STEEP1: variants seen among roughly 807,000 people sequenced by gnomAD.
STEEP1 encodes STING ER exit protein.
Under a neutral mutation model 19.2 loss-of-function variants are expected in STEEP1, and 3 were observed. That is an observed-to-expected ratio of 0.16 (90% CI 0.07 to 0.40). The LOEUF is 0.40. Ranked by LOEUF, STEEP1 falls within the 10% of genes least tolerant of loss-of-function variation. The pLI, the probability that STEEP1 is intolerant of heterozygous loss-of-function variation, is 0.99. For missense variants in STEEP1, 54 were observed against 177.1 expected (o/e 0.30, Z 3.94); for synonymous variants, 46 against 63.7 (o/e 0.72, Z 1.32).
At chrX:119,548,625 A>C (rs1432197836) in intron 2 of STEEP1, among the ~76,000 whole-genome samples, 1 of 110,722 alleles carries the variant, frequency 9.0e-6, no homozygotes, top group Non-Finnish European at 1.9e-5. Flanking sequence ...TGAAAATGTA[A>C]ATTAGTACAG....
chrX:119,552,067 G>C (rs1569399969), intron 2 of STEEP1, among the ~76,000 whole-genome samples: 2 of 110,117 alleles, frequency 1.8e-5, no homozygotes, highest in Non-Finnish European at 3.8e-5. Context: ...CTAATTTTTT[G>C]TATTTTTAGT....
intron 2 of STEEP1, 95 bp downstream of exon 2, chrX:119,560,173 C>G (rs1270849245): frequency 4.9e-5 from 29 of 596,008 alleles, no homozygotes; most frequent in Non-Finnish European, 7.6e-5. Context: ...TTGGGACCAA[C>G]TGACCTGTTC....
At chrX:119,555,148 ATCT>A (rs1161152964) in intron 2 of STEEP1, among the ~76,000 whole-genome samples, 1 of 109,925 alleles carries the variant, frequency 9.1e-6, no homozygotes, top group African/African-American at 3.3e-5. Context: ...TTACATAGTC[ATCT>A]TCTTAATCGC....
chrX:119,545,893 CAAAAAAAA>C (rs71927150), intron 2 of STEEP1, among the ~76,000 whole-genome samples: 3 of 55,442 alleles, frequency 5.4e-5, no homozygotes, highest in Non-Finnish European at 9.9e-5. Context: ...AACTCCGTCT[CAAAAAAAA>C]AAAAAAAAAA....
chrX:119,544,941 CA>C (rs1207510870), intron 3 of STEEP1, among the ~76,000 whole-genome samples: 30 of 103,896 alleles, frequency 2.9e-4, no homozygotes, highest in African/African-American at 8.4e-4. Flanking sequence ...GACTCTGTCT[CA>C]AAAAAAAAAA....
chrX:119,546,132 T>C (rs2053202974), intron 2 of STEEP1, among the ~76,000 whole-genome samples: 1 of 110,112 alleles, frequency 9.1e-6, no homozygotes, highest in Admixed American at 9.8e-5. Flanking sequence ...TGCCAAGAGC[T>C]ATTCTAAAGT....
intron 1 of STEEP1, 57 bp from the exon 2 acceptor site, chrX:119,560,442 C>A: frequency 1.3e-6 from 1 of 792,440 alleles, no homozygotes; most frequent in Non-Finnish European, 1.9e-6. Flanking sequence ...GCAAATGAGT[C>A]ACTGCAAAAT....
rs768685919 is a variant in STEEP1 at position 119,539,890 on chromosome X, T to G, written c.607-101A>C. ...ACACTCTCCCTTAATGTTCATTTAG[T>G]GTACAAACTAGAATCATGGTTCCCA... On this transcript the variant is annotated intron_variant, in intron 6 of 6. Coordinates refer to ENST00000644802, the MANE Select transcript of STEEP1 (RefSeq NM_022101.4). 7.0e-6 allele frequency: 4 copies of G among 571,753 alleles called. No individual in the cohort carries two copies. The African/African-American group carries it at 9.0e-5, about 13-fold the overall frequency. The allele number at this position is 571,753 out of a possible 1,213,427, so 47.1% of individuals were successfully genotyped here. A position where few individuals can be genotyped will look rare whatever the true frequency, so the allele number is the denominator to read the frequency against.
intron 1 of STEEP1, among the ~76,000 whole-genome samples, chrX:119,562,106 C>T (rs1223823106): frequency 1.8e-5 from 2 of 112,377 alleles, no homozygotes; most frequent in Non-Finnish European, 3.8e-5. Context: ...CAGATAAAGT[C>T]TCCGCCCTGG....
intron 2 of STEEP1, among the ~76,000 whole-genome samples, chrX:119,553,516 A>C (rs1007934706): frequency 8.9e-6 from 1 of 111,864 alleles, no homozygotes; most frequent in Non-Finnish European, 1.9e-5. Context: ...ACAAAGTGGT[A>C]CTGCTTGGGA....
rs771552285 is a variant in STEEP1 at position 119,555,918 on chromosome X, G to A, written c.242+4350C>T. ...ATAAGAAGAAGGAAAAGAAGGACTAGCATTTGGCTAATAGTAATAGAGACC... is the reference window on the plus strand; with the variant it reads ...ATAAGAAGAAGGAAAAGAAGGACTAACATTTGGCTAATAGTAATAGAGACC... On this transcript the variant is annotated intron_variant, in intron 2 of 6. Transcript: ENST00000644802. 1.3e-3 allele frequency among the ~76,000 whole-genome samples: 143 copies of A among 111,614 alleles called. 1 individual carries two copies. Among genetic ancestry groups the A allele is most frequent in the African/African-American group, 4.5e-3 (138 of 30,737 alleles).
chrX:119,547,143 G>A (rs1315338780), intron 2 of STEEP1, among the ~76,000 whole-genome samples: 2 of 111,275 alleles, frequency 1.8e-5, no homozygotes, highest in East Asian at 2.8e-4. Context: ...ACAAATGTAC[G>A]CTGTTCTCTA....
At chrX:119,542,819 G>GAAAT in intron 4 of STEEP1, 1 of 290,388 alleles carries the variant, frequency 3.4e-6, no homozygotes, top group Non-Finnish European at 6.0e-6. Context: ...TTATTTTTTT[G>GAAAT]AAATAGCATC....
At chrX:119,563,142 G>C in intron 1 of STEEP1, among the ~76,000 whole-genome samples, 1 of 112,239 alleles carries the variant, frequency 8.9e-6, no homozygotes, top group East Asian at 2.8e-4. Flanking sequence ...GAAACCATTG[G>C]TTTTGAACAG....
At position 119,565,393 on chromosome X, in the gene STEEP1, G is replaced by A. The variant is rs752901326; in HGVS notation, c.-38C>T. On this transcript the variant is annotated 5_prime_UTR_variant, in exon 1 of 7. Coordinates refer to ENST00000644802, the MANE Select transcript of STEEP1 (RefSeq NM_022101.4). ...CAATCTGAAAACTCTACGCCAAGAAGAGGGTCGCCCCGAAATGACGTCACG... is the reference window on the plus strand; with the variant it reads ...CAATCTGAAAACTCTACGCCAAGAAAAGGGTCGCCCCGAAATGACGTCACG... The A allele has an allele frequency of 5.5e-6, 6 of 1,095,123 alleles. No homozygotes were observed. The South Asian group carries it at 1.2e-4, about 21-fold the overall frequency. 90.3% of individuals were successfully genotyped at this position (1,095,123 alleles called of 1,213,427 possible).
At chrX:119,558,430 G>C (rs889935183) in intron 2 of STEEP1, among the ~76,000 whole-genome samples, 1 of 110,910 alleles carries the variant, frequency 9.0e-6, no homozygotes, top group Non-Finnish European at 1.9e-5. Context: ...CCAGCTACTC[G>C]GGAGGCTGAG....
intron 2 of STEEP1, among the ~76,000 whole-genome samples, chrX:119,553,564 G>A (rs2053258514): frequency 9.0e-6 from 1 of 111,601 alleles, no homozygotes; most frequent in African/African-American, 3.3e-5. Context: ...CATCTTTAAT[G>A]TTCTGCCTCT....
At chrX:119,543,592 C>A (rs1198271762) in intron 4 of STEEP1, among the ~76,000 whole-genome samples, 1 of 110,966 alleles carries the variant, frequency 9.0e-6, no homozygotes, top group East Asian at 2.8e-4. Context: ...AAGTGATCCT[C>A]CCGCCTCAGT....
In STEEP1 at chrX:119,560,353, G is replaced by A. The variant is rs774807972; in HGVS notation, c.157C>T (p.Arg53Trp). 5.8e-6 allele frequency: 7 copies of A among 1,206,376 alleles called. No individual in the cohort carries two copies. The highest frequency in any genetic ancestry group is 5.6e-6 in the Non-Finnish European group (5 of 890,883). The change falls in exon 2 of 7, where the codon CGG (arginine) becomes TGG (tryptophan). Residue 53 changes from arginine to tryptophan, a missense_variant. Physicochemically the swap from Arg to Trp is moderately radical, Grantham distance 101. Transcript: ENST00000644802. ...CQLEKLPMRP[R>W]DRSRVIDAAK... is the part of the protein sequence containing the mutation. ...GCATCAATCACACGGGACCGGTCCC[G>A]GGGCCTCATGGGCAATTTCTCTAAC... is the stretch of plus-strand genomic sequence containing the variant.
Sources: gnomAD v4.1 joint callset for allele counts (sites outside exome capture counted in the v4.1 genomes callset) on GRCh38, gnomAD v4.1.1 for gene constraint, MANE v1.5 for transcripts, NCBI Gene and HGNC (gene_info 2026-07-23, HGNC 2026-07-21) for gene names.